Variants in LDB2 observed in about 807,000 individuals in gnomAD.
The protein encoded by LDB2 is LIM domain binding 2, also known as LIM domain-binding protein 2.
Under a neutral mutation model 44.3 loss-of-function variants are expected in LDB2, and 12 were observed. The observed-to-expected ratio is 0.27, with a 90% CI of 0.17 to 0.44. The LOEUF is 0.44. LDB2 is among the 20% of genes least tolerant of loss of function. LDB2 has a pLI of 1.00. For synonymous variants in LDB2, 164 were observed against 174.8 expected, an observed-to-expected ratio of 0.94 and a Z score of 0.49; for missense variants, 344 against 473.5, an observed-to-expected ratio of 0.73 and a Z score of 2.54.
intron 5 of LDB2, among the ~76,000 whole-genome samples, chr4:16,555,095 GTTTTT>G (rs57066752): frequency 7.0e-6 from 1 of 141,892 alleles, no homozygotes; most frequent in African/African-American, 2.6e-5. Context: ...ATATGGAGTG[GTTTTT>G]TTTTTTTTTT....
In LDB2 at chr4:16,856,070, A is replaced by G. The variant is rs1789293265; in HGVS notation, c.132+42284T>C. Among the ~76,000 whole-genome samples, 4 of 152,150 alleles carry G rather than the reference A, an allele frequency of 2.6e-5. No homozygotes were observed. In the South Asian group the frequency reaches 8.3e-4, roughly 31 times the overall value. On this transcript the variant is annotated intron_variant, in intron 1 of 7. Coordinates refer to ENST00000304523, the MANE Select transcript of LDB2 (RefSeq NM_001290.5). Reference sequence around the variant, plus strand: ...GTATTCCTTTCTTTTCCAATCCCAAATCTATGTGAGGCCAATTTTCTTCAA... The same window carrying G: ...GTATTCCTTTCTTTTCCAATCCCAAGTCTATGTGAGGCCAATTTTCTTCAA...
At chr4:16,637,504 G>A (rs1476677071) in intron 2 of LDB2, among the ~76,000 whole-genome samples, 1 of 151,942 alleles carries the variant, frequency 6.6e-6, no homozygotes, top group African/African-American at 2.4e-5. Context: ...GCCAAGTGCA[G>A]GGCTGGCTAC....
chr4:16,559,658 G>A (rs1387766520), intron 5 of LDB2, among the ~76,000 whole-genome samples: 1 of 152,004 alleles, frequency 6.6e-6, no homozygotes, highest in Non-Finnish European at 1.5e-5. Flanking sequence ...ACAGATCAAC[G>A]AGACAGAAAG....
chr4:16,764,283 TA>T (rs1768675321), intron 1 of LDB2, among the ~76,000 whole-genome samples: 1 of 152,190 alleles, frequency 6.6e-6, no homozygotes, highest in Non-Finnish European at 1.5e-5. Context: ...TTCCTGATAA[TA>T]AATCTTTTGG....
intron 2 of LDB2, among the ~76,000 whole-genome samples, chr4:16,609,351 C>CG (rs71181179): frequency 0.23 from 25,197 of 108,634 alleles, 3,264 homozygotes; most frequent in African/African-American, 0.37. Context: ...GGGGAGGGGG[C>CG]GGGGGGGGGA....
intron 1 of LDB2, among the ~76,000 whole-genome samples, chr4:16,810,530 T>C (rs1160409076): frequency 1.3e-5 from 2 of 151,946 alleles, no homozygotes; most frequent in African/African-American, 2.4e-5. Context: ...ATTAATACTG[T>C]CCTTAGAAAG....
chr4:16,698,984 G>A (rs1161657779), intron 2 of LDB2, among the ~76,000 whole-genome samples: 1 of 152,162 alleles, frequency 6.6e-6, no homozygotes, highest in Admixed American at 6.5e-5. Context: ...TGGTAGCTCA[G>A]CTAGCATTTT....
At chr4:16,681,720 G>A (rs541092477) in intron 2 of LDB2, among the ~76,000 whole-genome samples, 3 of 127,890 alleles carry the variant, frequency 2.3e-5, no homozygotes, top group East Asian at 5.4e-4. Context: ...ACAGACTCCC[G>A]CCACGAGGCC....
At chr4:16,832,879 T>C (rs1784289820) in intron 1 of LDB2, among the ~76,000 whole-genome samples, 1 of 152,180 alleles carries the variant, frequency 6.6e-6, no homozygotes, top group South Asian at 2.1e-4. Context: ...AAAGCAAAAC[T>C]GCAAGACCAT....
chr4:16,513,004 A>G (rs1722380969), intron 5 of LDB2, among the ~76,000 whole-genome samples: 1 of 152,196 alleles, frequency 6.6e-6, no homozygotes, highest in Non-Finnish European at 1.5e-5. Context: ...ATTAATCACT[A>G]TTGCAATTAC....
At chr4:16,841,030 C>A (rs951452994) in intron 1 of LDB2, among the ~76,000 whole-genome samples, 1 of 152,138 alleles carries the variant, frequency 6.6e-6, no homozygotes, top group Admixed American at 6.5e-5. Context: ...ACATTCAAAC[C>A]GCATCTCATG....
chr4:16,751,116 G>A (rs1229488382), intron 2 of LDB2, among the ~76,000 whole-genome samples: 1 of 152,116 alleles, frequency 6.6e-6, no homozygotes, highest in Non-Finnish European at 1.5e-5. Flanking sequence ...CCATTTTCTG[G>A]TTAGTACCTC....
At chr4:16,557,568 A>T (rs912800257) in intron 5 of LDB2, among the ~76,000 whole-genome samples, 4 of 152,206 alleles carry the variant, frequency 2.6e-5, no homozygotes, top group African/African-American at 9.6e-5. Context: ...GGAAGCTCAA[A>T]CTGGGTGGAG....
chr4:16,862,981 C>A (rs374783447), intron 1 of LDB2, among the ~76,000 whole-genome samples: 3 of 152,100 alleles, frequency 2.0e-5, no homozygotes, highest in African/African-American at 7.2e-5. Flanking sequence ...TGAGTAAGGG[C>A]GCCATCCATC....
intron 1 of LDB2, among the ~76,000 whole-genome samples, chr4:16,813,877 CTTTTT>C (rs369397187): frequency 6.9e-6 from 1 of 143,942 alleles, no homozygotes; most frequent in African/African-American, 2.5e-5. Context: ...CTTTTCTTTT[CTTTTT>C]TTTTTTTTGA....
intron 1 of LDB2, among the ~76,000 whole-genome samples, chr4:16,883,260 A>G (rs1720691365): frequency 6.6e-6 from 1 of 152,214 alleles, no homozygotes; most frequent in South Asian, 2.1e-4. Context: ...TAAAAACAGA[A>G]ATCAGCAGTC....
intron 2 of LDB2, among the ~76,000 whole-genome samples, chr4:16,682,877 T>C (rs1365216312): frequency 2.6e-5 from 4 of 152,262 alleles, no homozygotes; most frequent in Admixed American, 2.6e-4. Context: ...TATTGAGGCT[T>C]GTCTTCTGAG....
At chr4:16,764,872 T>A (rs1254517125) in intron 1 of LDB2, among the ~76,000 whole-genome samples, 2 of 152,244 alleles carry the variant, frequency 1.3e-5, no homozygotes, top group African/African-American at 4.8e-5. Flanking sequence ...TGATGAAGGA[T>A]CCCATAGAGC....
chr4:16,553,132 C>T (rs1374053815), intron 5 of LDB2, among the ~76,000 whole-genome samples: 1 of 152,174 alleles, frequency 6.6e-6, no homozygotes, highest in African/African-American at 2.4e-5. Context: ...TTAGTATCCT[C>T]AGTAACCTGG....
Sources: allele counts gnomAD v4.1 joint callset (sites outside exome capture counted in the v4.1 genomes callset), GRCh38; gene constraint gnomAD v4.1.1; transcripts MANE v1.5; gene names NCBI Gene and HGNC (gene_info 2026-07-23, HGNC 2026-07-21).